Variants in TMEM187 observed in about 807,000 individuals in gnomAD.
TMEM187 encodes the protein chromosome X open reading frame 12.
A neutral mutation model predicts 11.8 loss-of-function variants in TMEM187; 14 were observed. That is an observed-to-expected ratio of 1.18 (90% CI 0.78 to 1.85). TMEM187 has a LOEUF of 1.85. Among genes scored for constraint, TMEM187 ranks in the 40% most tolerant of loss-of-function variants. The pLI, the probability that TMEM187 is intolerant of heterozygous loss-of-function variation, is 0.00. For missense variants in TMEM187, 227 were observed against 243.9 expected (o/e 0.93, Z 0.46); for synonymous variants, 112 against 118.5 (o/e 0.95, Z 0.36).
At chrX:153,976,518 G>A (rs1287504262) in intron 1 of TMEM187, among the ~76,000 whole-genome samples, 5 of 110,999 alleles carry the variant, frequency 4.5e-5, no homozygotes, top group African/African-American at 9.9e-5. Context: ...GTGACAGAGC[G>A]AGACCCTGTC....
At chrX:153,980,845 G>A (rs1159768482) in intron 1 of TMEM187, among the ~76,000 whole-genome samples, 1 of 108,537 alleles carries the variant, frequency 9.2e-6, no homozygotes, top group Non-Finnish European at 1.9e-5. Context: ...CCTGAACCTG[G>A]GAGGCGGAGG....
In TMEM187 at chrX:153,981,955, G is replaced by A; in HGVS notation, c.-108G>A. 8.5e-7 allele frequency: 1 copy of A among 1,170,440 alleles called. No individual in the cohort carries two copies. Among genetic ancestry groups the A allele is most frequent in the Non-Finnish European group, 1.2e-6 (1 of 867,788 alleles). On this transcript the variant is annotated 5_prime_UTR_variant, in exon 2 of 2. Coordinates refer to ENST00000369982, the MANE Select transcript of TMEM187 (RefSeq NM_003492.3). Reference sequence around the variant, plus strand: ...TGCCTCGGAAATCACGAAATCACGGGGCTTCTTTCTGCTGGCTCAGCCGGG... The same window carrying A: ...TGCCTCGGAAATCACGAAATCACGGAGCTTCTTTCTGCTGGCTCAGCCGGG...
rs2148628529 is a variant in TMEM187 at position 153,981,731 on chromosome X, ACT to A, written c.-213-116_-213-115del. ...GAGAGAGTCAGTGTGCAGCGGTTTC[ACT>A]CTGATTTGCTTCTCCAGTGAAGATG... On this transcript the variant is annotated intron_variant, in intron 1 of 1. Coordinates refer to ENST00000369982, the MANE Select transcript of TMEM187 (RefSeq NM_003492.3). 6 of 377,943 alleles carry A rather than the reference ACT, an allele frequency of 1.6e-5. No individual in the cohort carries two copies. In the East Asian group the frequency reaches 2.8e-4, roughly 18 times the overall value. The allele number at this position is 377,943 out of a possible 1,213,427, so 31.1% of individuals were successfully genotyped here. A position where few individuals can be genotyped will look rare whatever the true frequency, so the allele number is the denominator to read the frequency against.
chrX:153,980,997 C>T (rs2065598968), intron 1 of TMEM187: 1 of 108,787 alleles, frequency 9.2e-6, no homozygotes, highest in African/African-American at 3.3e-5. Context: ...AGTGGGAGAG[C>T]CAAGGTTTGA....
In TMEM187 at chrX:153,982,436, G is replaced by A; in HGVS notation, c.374G>A (p.Trp125Ter). The A allele has an allele frequency of 8.3e-7, 1 of 1,201,824 alleles. No individual in the cohort carries two copies. The highest frequency in any genetic ancestry group is 1.1e-6 in the Non-Finnish European group (1 of 893,881). ...TGGCTCACACTGCCCATCTTTGCAT[G>A]GCCCGTGGCCTGGTGCCTCTACCTA... ...DQWLTLPIFA[W>*]PVAWCLYLDR... The change falls in exon 2 of 2, where the codon TGG (tryptophan) becomes TAG (stop). Residue 125 changes from tryptophan to a stop codon, truncating the protein, a stop_gained. Coordinates refer to ENST00000369982, the MANE Select transcript of TMEM187 (RefSeq NM_003492.3). LOFTEE classifies it high-confidence loss of function.
At chrX:153,978,686 C>T (rs1468017536) in intron 1 of TMEM187, among the ~76,000 whole-genome samples, 3 of 105,940 alleles carry the variant, frequency 2.8e-5, no homozygotes, top group Non-Finnish European at 3.9e-5. Flanking sequence ...CGGGCTCAAG[C>T]GATTCTCCTG....
Position 153,982,193 on chromosome X carries a change from C to G in TMEM187, c.131C>G (p.Pro44Arg), listed in dbSNP as rs1557122549. 1 of 1,212,563 alleles carries G rather than the reference C, an allele frequency of 8.2e-7. No homozygotes were observed. The highest frequency in any genetic ancestry group is 1.8e-5 in the South Asian group (1 of 57,081). ...GGCTATGAGCACTACGCCGAGGCGC[C>G]CGTGGCCGGCCTCCCTGCCTTCCTG... ...QVGYEHYAEA[P>R]VAGLPAFLAM... is the part of the protein sequence containing the mutation. Residue 44 changes from proline (P) to arginine (R), a missense_variant, in exon 2 of 2, where the codon CCC becomes CGC. Physicochemically the swap from Pro to Arg is moderately radical, Grantham distance 103 (BLOSUM62 -2). Transcript: ENST00000369982.
Position 153,982,389 on chromosome X carries a change from C to T in TMEM187, c.327C>T (p.Arg109=), listed in dbSNP as rs2065607677. The change falls in exon 2 of 2, where the codon CGC becomes CGT. Residue 109 remains arginine (R), a synonymous_variant. Coordinates refer to ENST00000369982, the MANE Select transcript of TMEM187 (RefSeq NM_003492.3). ...VQWLRLWTQW[R]RAAVLDQWLT... ...GGCTGCGCCTGTGGACGCAGTGGCG[C>T]CGTGCCGCGGTGCTGGACCAGTGGC... 1 of 1,198,613 alleles carries T rather than the reference C, an allele frequency of 8.3e-7. No individual in the cohort carries two copies.
intron 1 of TMEM187, among the ~76,000 whole-genome samples, chrX:153,980,452 G>A (rs1333892660): frequency 8.9e-6 from 1 of 112,287 alleles, no homozygotes; most frequent in Non-Finnish European, 1.9e-5. Context: ...TGAGCAGAGA[G>A]CACCTGGGGC....
chrX:153,982,479 C>G lies in TMEM187; in HGVS notation c.417C>G (p.Pro139=). 1 of 1,203,733 alleles carries G rather than the reference C, an allele frequency of 8.3e-7. No homozygotes were observed. The change falls in exon 2 of 2, where the codon CCC becomes CCG. Residue 139 remains proline, a synonymous_variant. Transcript: ENST00000369982. ...WCLYLDRGWR[P]WLFLSLECVS... is the part of the protein sequence containing the mutation. ...TCTACCTAGACCGCGGCTGGCGGCC[C>G]TGGCTGTTCCTCTCTCTTGAGTGCG...
chrX:153,973,709 AC>A lies in TMEM187; in HGVS notation c.-214+850del, dbSNP rs1557121069. On this transcript the variant is annotated intron_variant, in intron 1 of 1. Coordinates refer to ENST00000369982, the MANE Select transcript of TMEM187 (RefSeq NM_003492.3). ...AACACACACACACACACACACACACACAAAAGCAGCTGCTGGTTTCCAAGGG... is the reference window on the plus strand; with the variant it reads ...AACACACACACACACACACACACACAAAAAGCAGCTGCTGGTTTCCAAGGG... Among the ~76,000 whole-genome samples the A allele has an allele frequency of 7.1e-5, 8 of 112,239 alleles. No individual in the cohort carries two copies. In the East Asian group the frequency reaches 1.9e-3, roughly 27 times the overall value.
chrX:153,975,324 G>T (rs1170087821), intron 1 of TMEM187, among the ~76,000 whole-genome samples: 3 of 110,168 alleles, frequency 2.7e-5, no homozygotes, highest in Admixed American at 9.7e-5. Context: ...TTTATTATTT[G>T]TATTTATTTA....
intron 1 of TMEM187, chrX:153,981,178 T>C (rs1487609215): frequency 2.7e-5 from 3 of 111,799 alleles, no homozygotes; most frequent in South Asian, 3.9e-4. Flanking sequence ...CATATTAATG[T>C]ATTTCTCAGC....
At chrX:153,978,787 GTTTT>G (rs2065587506) in intron 1 of TMEM187, among the ~76,000 whole-genome samples, 1 of 102,208 alleles carries the variant, frequency 9.8e-6, no homozygotes, top group Non-Finnish European at 2.0e-5. Flanking sequence ...GTTTTGTTTT[GTTTT>G]GTTTTGTTTT....
At chrX:153,981,186 A>G (rs1234442649) in intron 1 of TMEM187, 2 of 112,133 alleles carry the variant, frequency 1.8e-5, no homozygotes, top group African/African-American at 6.6e-5. Context: ...TGTATTTCTC[A>G]GCTACTAGGG....
At chrX:153,973,580 C>T (rs991733192) in intron 1 of TMEM187, among the ~76,000 whole-genome samples, 3 of 111,321 alleles carry the variant, frequency 2.7e-5, no homozygotes, top group Non-Finnish European at 5.7e-5. Context: ...GTACTTGGAA[C>T]GCTGAGGTGG....
At chrX:153,978,750 A>T (rs1557121884) in intron 1 of TMEM187, among the ~76,000 whole-genome samples, 1 of 65,655 alleles carries the variant, frequency 1.5e-5, no homozygotes, top group African/African-American at 6.2e-5. Context: ...CACCTGGCTA[A>T]TTTTTTGTTT....
At chrX:153,980,076 G>C (rs782318863) in intron 1 of TMEM187, among the ~76,000 whole-genome samples, 25 of 107,797 alleles carry the variant, frequency 2.3e-4, no homozygotes, top group African/African-American at 7.8e-4. Flanking sequence ...CAGGCCGGGC[G>C]CTGTGGTAGG....
At position 153,982,787 on chromosome X, in the gene TMEM187, T is replaced by C. The variant is rs1557122859; in HGVS notation, c.725T>C (p.Leu242Ser). 8.2e-7 allele frequency: 1 copy of C among 1,212,231 alleles called. No homozygotes were observed. Among genetic ancestry groups the C allele is most frequent in the Non-Finnish European group, 1.1e-6 (1 of 895,670 alleles). ...GTGCTCCAGTTCCACTTTGCGTTTT[T>C]GTTTCTGACGCATTTCAACACTCAC... is the stretch of plus-strand genomic sequence containing the variant. ...CDVLQFHFAF[L>S]FLTHFNTHPR... The change falls in exon 2 of 2, where the codon TTG (leucine) becomes TCG (serine). Residue 242 changes from leucine (L) to serine (S), a missense_variant. By Grantham distance (145) the Leu-to-Ser change is moderately radical. Coordinates refer to ENST00000369982, the MANE Select transcript of TMEM187 (RefSeq NM_003492.3).
Sources: gnomAD v4.1 joint callset for allele counts (sites outside exome capture counted in the v4.1 genomes callset) on GRCh38, gnomAD v4.1.1 for gene constraint, MANE v1.5 for transcripts, NCBI Gene and HGNC (gene_info 2026-07-23, HGNC 2026-07-21) for gene names.